The following OXR1 variants were observed in gnomAD, a reference collection of about 807,000 sequenced individuals.
OXR1 encodes the protein oxidation resistance 1, also known as oxidation resistance protein 1.
A neutral mutation model predicts 104.6 loss-of-function variants in OXR1; 41 were observed. The observed-to-expected ratio is 0.39, with a 90% CI of 0.31 to 0.51. The LOEUF is 0.51. Among genes scored for constraint, OXR1 ranks in the 20% least tolerant of loss-of-function variants. The pLI, the probability that OXR1 is intolerant of heterozygous loss-of-function variation, is 0.77. For synonymous variants in OXR1, 348 were observed against 348.4 expected (o/e 1.00, Z 0.01); for missense variants, 955 against 1,031.9 (o/e 0.93, Z 1.02).
At chr8:106,732,848 C>T (rs1215354787) in intron 11 of OXR1, among the ~76,000 whole-genome samples, 1 of 151,972 alleles carries the variant, frequency 6.6e-6, no homozygotes, top group Admixed American at 6.6e-5. Flanking sequence ...GTTTTTCTTT[C>T]TTGTAAAGTT....
chr8:106,410,989 A>G (rs919560602), intron 2 of OXR1, among the ~76,000 whole-genome samples: 4 of 152,152 alleles, frequency 2.6e-5, no homozygotes, highest in Non-Finnish European at 2.9e-5. Context: ...GGTACCTGGT[A>G]CTATGCTAAG....
At chr8:106,293,965 ATTTTTTT>A (rs61559960) in intron 1 of OXR1, among the ~76,000 whole-genome samples, 1,612 of 124,404 alleles carry the variant, frequency 0.013, 34 homozygotes, top group African/African-American at 0.047. Flanking sequence ...TGACAGTTTA[ATTTTTTT>A]TTTTTTTTTT....
intron 6 of OXR1, among the ~76,000 whole-genome samples, chr8:106,686,329 T>C (rs931730114): frequency 1.3e-5 from 2 of 151,676 alleles, no homozygotes; most frequent in Non-Finnish European, 2.9e-5. Flanking sequence ...TTTGTAAACT[T>C]CTCTTTACAT....
At chr8:106,651,876 T>TTCTAGTCCATGTATATGGGATGTCTTTC (rs1824605081) in intron 3 of OXR1, among the ~76,000 whole-genome samples, 3 of 152,158 alleles carry the variant, frequency 2.0e-5, no homozygotes, top group Non-Finnish European at 4.4e-5. Context: ...ATATTAAGTT[T>TTCTAGTCCATGTATATGGGATGTCTTTC]TCTAGTCCAT....
intron 2 of OXR1, among the ~76,000 whole-genome samples, chr8:106,497,691 G>A (rs80354938): frequency 0.054 from 8,200 of 152,212 alleles, 294 homozygotes; most frequent in African/African-American, 0.092. Flanking sequence ...GAATGACTCT[G>A]ATGTTTGTTT....
intron 3 of OXR1, among the ~76,000 whole-genome samples, chr8:106,659,055 G>C (rs894599338): frequency 2.6e-5 from 4 of 152,240 alleles, no homozygotes; most frequent in African/African-American, 9.6e-5. Context: ...TTAGAAAATA[G>C]AGATAGGCAC....
At chr8:106,540,272 A>G (rs1254808689) in intron 3 of OXR1, among the ~76,000 whole-genome samples, 2 of 152,198 alleles carry the variant, frequency 1.3e-5, no homozygotes, top group African/African-American at 4.8e-5. Flanking sequence ...CATTGTTTGT[A>G]TGGGTTCCAT....
intron 2 of OXR1, among the ~76,000 whole-genome samples, chr8:106,374,445 A>G (rs1816831819): frequency 6.6e-6 from 1 of 152,202 alleles, no homozygotes; most frequent in Non-Finnish European, 1.5e-5. Context: ...CTAACTTGCT[A>G]ATGCTATTTC....
intron 3 of OXR1, among the ~76,000 whole-genome samples, chr8:106,633,272 GCCAA>G (rs748858803): frequency 6.6e-5 from 10 of 151,470 alleles, no homozygotes; most frequent in Admixed American, 3.3e-4. Flanking sequence ...CAAAAAAAAA[GCCAA>G]CCAAAGAAAA....
chr8:106,465,024 A>G (rs1821100432), intron 2 of OXR1, among the ~76,000 whole-genome samples: 1 of 152,050 alleles, frequency 6.6e-6, no homozygotes, highest in Non-Finnish European at 1.5e-5. Flanking sequence ...GAGATAAGCA[A>G]GGTACCTTAA....
At chr8:106,448,546 GA>G (rs1040819149) in intron 2 of OXR1, among the ~76,000 whole-genome samples, 14 of 151,610 alleles carry the variant, frequency 9.2e-5, no homozygotes, top group East Asian at 1.9e-4. Context: ...AAAATTACTT[GA>G]AAAAAACAAA....
intron 1 of OXR1, among the ~76,000 whole-genome samples, chr8:106,285,111 TCCC>T (rs1304908454): frequency 6.6e-6 from 1 of 152,050 alleles, no homozygotes; most frequent in African/African-American, 2.4e-5. Flanking sequence ...ATGCTATCCC[TCCC>T]CACTGCCCCC....
chr8:106,703,062 G>A lies in OXR1; in HGVS notation c.832G>A (p.Asp278Asn). The part of the protein sequence containing the change: ...MSAAMYKEIL[D>N]SKIKESLPID... ...AGCTGCAATGTACAAAGAAATTTTGGATAGCAAAATAAAGGAATCTTTACC... is the reference window on the plus strand; with the variant it reads ...AGCTGCAATGTACAAAGAAATTTTGAATAGCAAAATAAAGGAATCTTTACC... The change falls in exon 8 of 17, where the codon GAT becomes AAT. Residue 278 changes from aspartate (D) to asparagine (N), a missense_variant. Physicochemically the swap from Asp to Asn is conservative, Grantham distance 23 (BLOSUM62 1). Coordinates refer to ENST00000517566, the MANE Select transcript of OXR1 (RefSeq NM_001198533.2). 1 of 1,612,742 alleles carries A rather than the reference G, an allele frequency of 6.2e-7. No individual in the cohort carries two copies. Among genetic ancestry groups the A allele is most frequent in the Non-Finnish European group, 8.5e-7 (1 of 1,179,062 alleles).
chr8:106,659,403 T>G (rs1451385671), intron 3 of OXR1, among the ~76,000 whole-genome samples: 1 of 152,218 alleles, frequency 6.6e-6, no homozygotes, highest in Non-Finnish European at 1.5e-5. Context: ...CATAAAATAT[T>G]TTTTATCTTT....
At position 106,745,785 on chromosome 8, in the gene OXR1, A is replaced by G. The variant is rs199815283; in HGVS notation, c.2413-4A>G. ...TATTTAAAGCTTTTTTTAAATTTATATAGGTCTTTAAGTGGACAGGAGATA... is the reference window on the plus strand; with the variant it reads ...TATTTAAAGCTTTTTTTAAATTTATGTAGGTCTTTAAGTGGACAGGAGATA... On this transcript the variant is annotated splice_region_variant and splice_polypyrimidine_tract_variant and intron_variant, in intron 15 of 16. Transcript: ENST00000517566. The G allele has an allele frequency of 2.0e-5, 29 of 1,439,266 alleles. No homozygotes were observed. In the East Asian group the frequency reaches 4.8e-4, roughly 24 times the overall value. The allele number at this position is 1,439,266 out of a possible 1,614,324, so 89.2% of individuals were successfully genotyped here. A position where few individuals can be genotyped will look rare whatever the true frequency, so the allele number is the denominator to read the frequency against.
At chr8:106,540,089 G>T (rs1212017160) in intron 3 of OXR1, among the ~76,000 whole-genome samples, 1 of 152,014 alleles carries the variant, frequency 6.6e-6, no homozygotes, top group African/African-American at 2.4e-5. Flanking sequence ...AGAACACTTG[G>T]ACTAGCAGCA....
At chr8:106,609,508 T>G (rs3101542) in intron 3 of OXR1, among the ~76,000 whole-genome samples, 91,681 of 152,022 alleles carry the variant, frequency 0.6, 28,826 homozygotes, top group African/African-American at 0.8. Context: ...GAAGGAAAAT[T>G]TAAACAGAAT....
At chr8:106,414,113 A>C (rs1413474527) in intron 2 of OXR1, among the ~76,000 whole-genome samples, 1 of 152,138 alleles carries the variant, frequency 6.6e-6, no homozygotes. Context: ...TAATATTTTT[A>C]GTATAAATAA....
At chr8:106,298,051 C>G (rs1813073682) in intron 1 of OXR1, among the ~76,000 whole-genome samples, 1 of 152,124 alleles carries the variant, frequency 6.6e-6, no homozygotes, top group African/African-American at 2.4e-5. Context: ...GGCTGGTAGT[C>G]AACAGCAATT....
Sources: allele counts gnomAD v4.1 joint callset (sites outside exome capture counted in the v4.1 genomes callset), GRCh38; gene constraint gnomAD v4.1.1; transcripts MANE v1.5; gene names NCBI Gene and HGNC (gene_info 2026-07-23, HGNC 2026-07-21).